Variants in WNT9B observed in about 807,000 individuals in gnomAD.
WNT9B encodes protein Wnt-9b.
A neutral mutation model predicts 30.2 loss-of-function variants in WNT9B; 12 were observed. The ratio of observed to expected loss-of-function variants is 0.40; its 90% CI spans 0.26 to 0.64. The LOEUF (loss-of-function observed/expected upper bound fraction) is 0.64, where lower values mean the gene tolerates loss of function less well. Ranked by LOEUF, WNT9B falls within the 30% of genes least tolerant of loss-of-function variation. The pLI is 0.42. For synonymous variants in WNT9B, 218 were observed against 216.9 expected (o/e 1.01, Z -0.05); for missense variants, 442 against 485.2 (o/e 0.91, Z 0.84).
intron 1 of WNT9B, among the ~76,000 whole-genome samples, chr17:46,836,680 T>C (rs2084636292): frequency 1.3e-5 from 2 of 152,156 alleles, no homozygotes; most frequent in African/African-American, 4.8e-5. Context: ...AAACCCACTG[T>C]GGAGAAAGTG....
intron 1 of WNT9B, among the ~76,000 whole-genome samples, chr17:46,860,138 G>C (rs1245640457): frequency 6.6e-6 from 1 of 152,296 alleles, no homozygotes; most frequent in East Asian, 1.9e-4. Flanking sequence ...CTCTGGCTGA[G>C]CTGTAACCCC....
chr17:46,839,998 T>C (rs1267280880), intron 1 of WNT9B, among the ~76,000 whole-genome samples: 2 of 63,196 alleles, frequency 3.2e-5, no homozygotes, highest in Non-Finnish European at 5.7e-5. Context: ...TCTTTTTTCT[T>C]TCTTCTTTCT....
chr17:46,872,771 G>T lies in WNT9B; in HGVS notation c.332G>T (p.Arg111Ile), dbSNP rs1418141548. The stretch of plus-strand genomic sequence containing the variant: ...GAGGGCAGGATGGGCCTGCTCAAGA[G>T]AGGTGGGGAGGAGGGCTAGGGGACG... ...SLEGRMGLLK[R>I]GFKETAFLYA... The change falls in exon 2 of 4, where the codon AGA becomes ATA. Residue 111 changes from arginine (R) to isoleucine (I), a missense_variant and splice_region_variant. Arg to Ile is a moderately conservative substitution (Grantham distance 97, BLOSUM62 -3). Coordinates refer to ENST00000290015, the MANE Select transcript of WNT9B (RefSeq NM_003396.3). 1.9e-6 allele frequency: 3 copies of T among 1,597,630 alleles called. No homozygotes were observed. The highest frequency in any genetic ancestry group is 2.6e-6 in the Non-Finnish European group (3 of 1,170,614).
chr17:46,862,174 AAAAAAGAAAAAG>A (rs1266460717), intron 1 of WNT9B, among the ~76,000 whole-genome samples: 1 of 150,946 alleles, frequency 6.6e-6, no homozygotes, highest in Non-Finnish European at 1.5e-5. Flanking sequence ...AAAAAAAAAA[AAAAAAGAAAAAG>A]AAAAAGAAAA....
chr17:46,882,305 G>A (rs1322275106), downstream of WNT9B, among the ~76,000 whole-genome samples: 1 of 152,170 alleles, frequency 6.6e-6, no homozygotes, highest in Non-Finnish European at 1.5e-5. Flanking sequence ...AACAGTGATA[G>A]TTTGAAGAGT....
At chr17:46,870,007 A>G (rs1014167694) in intron 1 of WNT9B, among the ~76,000 whole-genome samples, 3 of 152,046 alleles carry the variant, frequency 2.0e-5, no homozygotes, top group African/African-American at 7.3e-5. Context: ...AAAAAAAAAA[A>G]TGTTATATAT....
At chr17:46,850,216 G>A (rs1195804332), upstream of WNT9B, among the ~76,000 whole-genome samples, 1 of 152,150 alleles carries the variant, frequency 6.6e-6, no homozygotes, top group Non-Finnish European at 1.5e-5. Context: ...TTTCATATGG[G>A]GCTCATAACT....
At chr17:46,859,931 G>A (rs1023884780) in intron 1 of WNT9B, among the ~76,000 whole-genome samples, 1 of 152,082 alleles carries the variant, frequency 6.6e-6, no homozygotes, top group African/African-American at 2.4e-5. Context: ...CTTCCAATGT[G>A]CTCTATGTAT....
downstream of WNT9B, among the ~76,000 whole-genome samples, chr17:46,881,295 G>A (rs1051508981): frequency 2.0e-5 from 3 of 152,190 alleles, no homozygotes; most frequent in Non-Finnish European, 4.4e-5. Flanking sequence ...CAGCATCCCC[G>A]TCCTAACATG....
chr17:46,852,888 T>G (rs192940538), intron 1 of WNT9B, among the ~76,000 whole-genome samples: 52 of 152,220 alleles, frequency 3.4e-4, no homozygotes, highest in African/African-American at 7.5e-4. Context: ...TGTGGGCTAA[T>G]TTCCAGGTCA....
chr17:46,848,072 C>T (rs2084797938), upstream of WNT9B, among the ~76,000 whole-genome samples: 1 of 151,888 alleles, frequency 6.6e-6, no homozygotes, highest in Non-Finnish European at 1.5e-5. Context: ...TTAATGGAGA[C>T]AGGTAGCTGC....
At chr17:46,872,448 C>T (rs557823030) in intron 1 of WNT9B, 69 bp from the exon 2 acceptor site, 3 of 1,429,286 alleles carry the variant, frequency 2.1e-6, no homozygotes, top group East Asian at 2.6e-5. Flanking sequence ...TGAGGAGGCC[C>T]CTTCCCTTCA....
chr17:46,868,716 G>C (rs1446948063), intron 1 of WNT9B, among the ~76,000 whole-genome samples: 1 of 152,206 alleles, frequency 6.6e-6, no homozygotes, highest in Non-Finnish European at 1.5e-5. Context: ...TTGGCACTCA[G>C]CTAACTGTGG....
chr17:46,852,870 G>A (rs2146545009), intron 1 of WNT9B, among the ~76,000 whole-genome samples: 1 of 152,282 alleles, frequency 6.6e-6, no homozygotes, highest in Non-Finnish European at 1.5e-5. Flanking sequence ...ACAGGTTGGA[G>A]TAAGGGCTGT....
intron 1 of WNT9B, among the ~76,000 whole-genome samples, chr17:46,860,515 A>G (rs1260679809): frequency 1.3e-5 from 2 of 152,240 alleles, no homozygotes; most frequent in Non-Finnish European, 2.9e-5. Flanking sequence ...GGCAAGTCAG[A>G]TAACCATTCT....
At chr17:46,885,101 G>A (rs747289462), downstream of WNT9B, 18 of 432,636 alleles carry the variant, frequency 4.2e-5, no homozygotes, top group South Asian at 2.4e-4. Context: ...CGATTCTCCC[G>A]TCTCAGCTGC....
At chr17:46,852,599 T>C (rs1450233561) in intron 1 of WNT9B, among the ~76,000 whole-genome samples, 1 of 151,906 alleles carries the variant, frequency 6.6e-6, no homozygotes, top group African/African-American at 2.4e-5. Context: ...TGACCCTGAA[T>C]TGCAGGGATT....
chr17:46,840,499 A>T (rs2146522863), intron 1 of WNT9B, among the ~76,000 whole-genome samples: 1 of 152,312 alleles, frequency 6.6e-6, no homozygotes, highest in South Asian at 2.1e-4. Flanking sequence ...TAGTAGCATG[A>T]TTTATAATCC....
Position 46,876,689 on chromosome 17 carries a change from G to A in WNT9B, c.1045G>A (p.Glu349Lys), listed in dbSNP as rs1229600520. ...CYVECQQCVQ[E>K]ELVYTCKH ...CGTGGAGTGCCAGCAATGTGTGCAGGAGGAGCTTGTGTACACCTGCAAGCA... is the reference window on the plus strand; with the variant it reads ...CGTGGAGTGCCAGCAATGTGTGCAGAAGGAGCTTGTGTACACCTGCAAGCA... Residue 349 changes from glutamate (E) to lysine (K), a missense_variant, in exon 4 of 4, where the codon GAG becomes AAG. Physicochemically the swap from Glu to Lys is moderately conservative, Grantham distance 56. Transcript: ENST00000290015. The A allele has an allele frequency of 1.9e-6, 3 of 1,572,410 alleles. No homozygotes were observed. Among genetic ancestry groups the A allele is most frequent in the Non-Finnish European group, 2.6e-6 (3 of 1,155,020 alleles).
Sources: gnomAD v4.1 joint callset for allele counts (sites outside exome capture counted in the v4.1 genomes callset) on GRCh38, gnomAD v4.1.1 for gene constraint, MANE v1.5 for transcripts, NCBI Gene and HGNC (gene_info 2026-07-23, HGNC 2026-07-21) for gene names.